The following PHACTR1 variants were observed in gnomAD, a reference collection of about 807,000 sequenced individuals.
PHACTR1 encodes the protein RPEL repeat containing 1.
PHACTR1 carries 16 observed loss-of-function variants against 69.2 expected under a neutral mutation model. The ratio of observed to expected loss-of-function variants is 0.23; its 90% CI spans 0.16 to 0.35. PHACTR1 has a LOEUF of 0.35. Among genes scored for constraint, PHACTR1 ranks in the 10% least tolerant of loss-of-function variants. PHACTR1 has a pLI of 1.00. For missense variants in PHACTR1, 510 were observed against 734.7 expected, an observed-to-expected ratio of 0.69 and a Z score of 3.54; for synonymous variants, 312 against 284.5, an observed-to-expected ratio of 1.10 and a Z score of -0.97.
intron 4 of PHACTR1, among the ~76,000 whole-genome samples, chr6:13,027,865 C>T (rs936304353): frequency 1.1e-4 from 16 of 152,074 alleles, no homozygotes; most frequent in Non-Finnish European, 2.2e-4. Flanking sequence ...TTAATAGAAA[C>T]GGGGTTTCAC....
chr6:12,954,835 G>A, intron 4 of PHACTR1, among the ~76,000 whole-genome samples: 1 of 152,176 alleles, frequency 6.6e-6, no homozygotes, highest in East Asian at 1.9e-4. Context: ...TGTGCAAGTA[G>A]GGATAGACAA....
At chr6:13,112,429 T>C (rs890782450) in intron 5 of PHACTR1, among the ~76,000 whole-genome samples, 1 of 152,228 alleles carries the variant, frequency 6.6e-6, no homozygotes, top group Non-Finnish European at 1.5e-5. Flanking sequence ...GTTCTGCTTT[T>C]AGGTCTTTGA....
chr6:12,845,496 T>C (rs1779173097), intron 4 of PHACTR1, among the ~76,000 whole-genome samples: 1 of 137,020 alleles, frequency 7.3e-6, no homozygotes, highest in African/African-American at 2.7e-5. Context: ...GATGGCAGCA[T>C]TATCATCCAT....
chr6:13,077,174 CAA>C (rs199687356), intron 5 of PHACTR1, among the ~76,000 whole-genome samples: 64 of 74,548 alleles, frequency 8.6e-4, no homozygotes, highest in Admixed American at 1.1e-3. Flanking sequence ...ATGATGCAAG[CAA>C]AAAAAAAAAA....
chr6:13,180,820 G>A (rs4715138), intron 6 of PHACTR1, among the ~76,000 whole-genome samples: 36,664 of 152,040 alleles, frequency 0.24, 5,388 homozygotes, highest in Admixed American at 0.36. Flanking sequence ...GCGACACACT[G>A]ACGCTCAGCC....
At chr6:13,064,111 A>C (rs1808122309) in intron 5 of PHACTR1, among the ~76,000 whole-genome samples, 1 of 152,156 alleles carries the variant, frequency 6.6e-6, no homozygotes, top group Admixed American at 6.5e-5. Flanking sequence ...TATCACATCA[A>C]ATGGAATATT....
At chr6:13,005,929 A>G (rs1044937392) in intron 4 of PHACTR1, among the ~76,000 whole-genome samples, 5 of 151,770 alleles carry the variant, frequency 3.3e-5, no homozygotes, top group African/African-American at 1.2e-4. Flanking sequence ...TCCACTCTCT[A>G]TTTCTCACCA....
intron 4 of PHACTR1, chr6:12,957,920 G>GC: frequency 1.0e-6 from 1 of 985,288 alleles, no homozygotes; most frequent in Non-Finnish European, 1.2e-6. Flanking sequence ...TATTTTCAGA[G>GC]CCCGACACTT....
intron 4 of PHACTR1, among the ~76,000 whole-genome samples, chr6:12,838,935 C>T (rs1778432544): frequency 6.6e-6 from 1 of 152,156 alleles, no homozygotes; most frequent in Non-Finnish European, 1.5e-5. Flanking sequence ...AAGGCTGTTG[C>T]TGCTGCTGAT....
At chr6:13,079,236 ATGGCTGGAGGTTTG>A (rs1811008647) in intron 5 of PHACTR1, among the ~76,000 whole-genome samples, 1 of 152,124 alleles carries the variant, frequency 6.6e-6, no homozygotes, top group South Asian at 2.1e-4. Context: ...CTTACATGCG[ATGGCTGGAGGTTTG>A]GGCATCGCAG....
intron 4 of PHACTR1, among the ~76,000 whole-genome samples, chr6:12,959,119 G>T (rs547488136): frequency 8.7e-5 from 12 of 137,516 alleles, no homozygotes; most frequent in African/African-American, 3.1e-4. Context: ...GGAGGCTGCA[G>T]TGAGCCCAGA....
At chr6:12,900,295 C>T (rs531323192) in intron 4 of PHACTR1, among the ~76,000 whole-genome samples, 30 of 149,462 alleles carry the variant, frequency 2.0e-4, no homozygotes, top group South Asian at 4.2e-4. Context: ...TTTTTTTTTT[C>T]GAAGCGGATA....
intron 4 of PHACTR1, among the ~76,000 whole-genome samples, chr6:13,024,850 G>A (rs1801459298): frequency 1.3e-5 from 2 of 152,216 alleles, no homozygotes; most frequent in Admixed American, 6.5e-5. Context: ...CCAGGTCTTT[G>A]AGGTTGAATC....
intron 5 of PHACTR1, among the ~76,000 whole-genome samples, chr6:13,152,263 G>A (rs1208392997): frequency 1.3e-5 from 2 of 152,138 alleles, no homozygotes; most frequent in African/African-American, 4.8e-5. Context: ...AAACCTGGGA[G>A]GTGGAGGTGG....
At chr6:12,868,469 C>T (rs571176116) in intron 4 of PHACTR1, among the ~76,000 whole-genome samples, 6 of 152,114 alleles carry the variant, frequency 3.9e-5, no homozygotes, top group South Asian at 2.1e-4. Flanking sequence ...GGAGAGGACA[C>T]GTGAAGCCAG....
chr6:13,242,328 C>A (rs1342256106), intron 10 of PHACTR1, among the ~76,000 whole-genome samples: 1 of 152,216 alleles, frequency 6.6e-6, no homozygotes, highest in Non-Finnish European at 1.5e-5. Context: ...GAGAAGCACA[C>A]GCAGTGTTGG....
intron 4 of PHACTR1, among the ~76,000 whole-genome samples, chr6:12,761,169 G>C (rs1361671363): frequency 6.6e-6 from 1 of 152,184 alleles, no homozygotes; most frequent in African/African-American, 2.4e-5. Flanking sequence ...ATGTGAAAAT[G>C]CTTTGCCAAC....
At chr6:13,018,855 T>C (rs1346798171) in intron 4 of PHACTR1, among the ~76,000 whole-genome samples, 1 of 152,002 alleles carries the variant, frequency 6.6e-6, no homozygotes, top group Non-Finnish European at 1.5e-5. Context: ...TGTGACCAAC[T>C]CATCTATCTG....
intron 4 of PHACTR1, among the ~76,000 whole-genome samples, chr6:12,992,736 A>T (rs1796956741): frequency 6.6e-6 from 1 of 152,160 alleles, no homozygotes; most frequent in South Asian, 2.1e-4. Flanking sequence ...AGAAAAGAAA[A>T]AAGCTCTCTC....
Sources: gnomAD v4.1 joint callset for allele counts (sites outside exome capture counted in the v4.1 genomes callset) on GRCh38, gnomAD v4.1.1 for gene constraint, MANE v1.5 for transcripts, NCBI Gene and HGNC (gene_info 2026-07-23, HGNC 2026-07-21) for gene names.